ANTXR1: variants seen among roughly 807,000 people sequenced by gnomAD.
ANTXR1 encodes the protein anthrax toxin receptor 1.
ANTXR1 carries 19 observed loss-of-function variants against 78.1 expected under a neutral mutation model. The observed-to-expected ratio is 0.24, with a 90% confidence interval of 0.17 to 0.36. ANTXR1 has a LOEUF of 0.36. Ranked by LOEUF, ANTXR1 falls within the 10% of genes least tolerant of loss-of-function variation. The pLI is 1.00. For synonymous variants in ANTXR1, 273 were observed against 260.5 expected (o/e 1.05, Z -0.46); for missense variants, 518 against 718.6 (o/e 0.72, Z 3.19).
chr2:69,043,098 T>G (rs767477314), intron 2 of ANTXR1, among the ~76,000 whole-genome samples: 24 of 152,182 alleles, frequency 1.6e-4, no homozygotes, highest in African/African-American at 4.6e-4. Context: ...CATTTCAAAT[T>G]TATTATTTCC....
intron 17 of ANTXR1, among the ~76,000 whole-genome samples, chr2:69,208,655 G>A (rs73937205): frequency 0.029 from 4,450 of 152,270 alleles, 161 homozygotes; most frequent in East Asian, 0.096. Flanking sequence ...TGTTGGACAC[G>A]CTGGTCCAGA....
intron 13 of ANTXR1, among the ~76,000 whole-genome samples, chr2:69,156,390 C>T (rs1254088857): frequency 1.3e-5 from 2 of 152,190 alleles, no homozygotes; most frequent in African/African-American, 2.4e-5. Context: ...CCAGCATCTT[C>T]CTCCTTTCCT....
intron 17 of ANTXR1, among the ~76,000 whole-genome samples, chr2:69,197,808 G>T (rs1281311116): frequency 6.6e-6 from 1 of 152,198 alleles, no homozygotes; most frequent in Non-Finnish European, 1.5e-5. Context: ...AAGGGCAAAT[G>T]GTTGAAGGAA....
At chr2:69,017,848 G>A (rs2103982181) in intron 1 of ANTXR1, among the ~76,000 whole-genome samples, 1 of 152,272 alleles carries the variant, frequency 6.6e-6, no homozygotes, top group African/African-American at 2.4e-5. Flanking sequence ...CTTCCAAGAT[G>A]AATGCACCCA....
intron 11 of ANTXR1, among the ~76,000 whole-genome samples, chr2:69,124,315 A>G (rs191855656): frequency 2.6e-5 from 4 of 152,350 alleles, no homozygotes; most frequent in Non-Finnish European, 5.9e-5. Context: ...GGAACGTCTG[A>G]ATGCACTGCC....
chr2:69,079,709 C>T (rs565652019), intron 8 of ANTXR1, among the ~76,000 whole-genome samples: 49 of 152,202 alleles, frequency 3.2e-4, no homozygotes, highest in African/African-American at 1.1e-3. Flanking sequence ...TGCTTGCATA[C>T]GTGGGAGGGA....
intron 3 of ANTXR1, among the ~76,000 whole-genome samples, chr2:69,054,409 A>T (rs1460331697): frequency 6.6e-6 from 1 of 152,214 alleles, no homozygotes; most frequent in Non-Finnish European, 1.5e-5. Flanking sequence ...GAGGCAGCCT[A>T]TGCCCGCTAT....
chr2:69,052,025 T>C (rs760312044), intron 3 of ANTXR1, among the ~76,000 whole-genome samples: 14 of 152,134 alleles, frequency 9.2e-5, no homozygotes, highest in Non-Finnish European at 1.8e-4. Flanking sequence ...TGCATCCTAG[T>C]AACAGTTGCA....
In ANTXR1 at chr2:69,050,215, T is replaced by C. The variant is rs116651094; in HGVS notation, c.296+5402T>C. Among the ~76,000 whole-genome samples, 1,505 of 152,122 alleles carry C rather than the reference T, an allele frequency of 9.9e-3. 25 individuals carry two copies. The highest frequency in any genetic ancestry group is 0.032 in the African/African-American group (1,344 of 41,498). On this transcript the variant is annotated intron_variant, in intron 3 of 17. Transcript: ENST00000303714. ...CAGGAGAATGAGGTGACAGGATCGA[T>C]TGAGGCATGGGAGGTAAAGGCTGCA...
At chr2:69,170,700 G>C (rs1184418679) in intron 14 of ANTXR1, among the ~76,000 whole-genome samples, 1 of 152,096 alleles carries the variant, frequency 6.6e-6, no homozygotes. Context: ...CCAATCATTG[G>C]TTCTAGGAAT....
intron 1 of ANTXR1, among the ~76,000 whole-genome samples, chr2:69,016,523 A>G (rs1485419678): frequency 6.6e-6 from 1 of 152,232 alleles, no homozygotes; most frequent in African/African-American, 2.4e-5. Flanking sequence ...TGTGTATAGT[A>G]TTGAACCTGC....
rs142141873 is a variant in ANTXR1, at chr2:69,027,164, A to G, written c.153-12880A>G. Among the ~76,000 whole-genome samples, 1,015 of 152,326 alleles carry G rather than the reference A, an allele frequency of 6.7e-3. 11 individuals are homozygous for G. Among genetic ancestry groups the G allele is most frequent in the African/African-American group, 0.023 (972 of 41,568 alleles). On this transcript the variant is annotated intron_variant, in intron 1 of 17. Coordinates refer to ENST00000303714, the MANE Select transcript of ANTXR1 (RefSeq NM_032208.3). ...CCTGTTGCTGTTGGGCATCAGCATC[A>G]TGCAGTGGCAGCTGCTCTGTGGGGG...
chr2:69,165,209 C>A (rs34149604), intron 13 of ANTXR1, among the ~76,000 whole-genome samples: 1 of 152,012 alleles, frequency 6.6e-6, no homozygotes, highest in Non-Finnish European at 1.5e-5. Context: ...TGCTTCATTT[C>A]GTTAATAAAG....
At chr2:69,200,463 C>T (rs1224582931) in intron 17 of ANTXR1, among the ~76,000 whole-genome samples, 1 of 152,230 alleles carries the variant, frequency 6.6e-6, no homozygotes, top group Non-Finnish European at 1.5e-5. Flanking sequence ...ATCCTCTGCC[C>T]AGTCCTTCTA....
chr2:69,219,011 G>A (rs138293797), intron 17 of ANTXR1, among the ~76,000 whole-genome samples: 459 of 152,254 alleles, frequency 3.0e-3, no homozygotes, highest in Non-Finnish European at 5.5e-3. Flanking sequence ...TTCTGTCAAT[G>A]GCTATGATGT....
intron 17 of ANTXR1, among the ~76,000 whole-genome samples, chr2:69,207,872 A>G (rs1054949634): frequency 2.6e-5 from 4 of 152,222 alleles, no homozygotes; most frequent in African/African-American, 7.2e-5. Flanking sequence ...TAGTGGAGAC[A>G]TAGTCAGGTG....
At chr2:69,035,819 T>C (rs560260447) in intron 1 of ANTXR1, among the ~76,000 whole-genome samples, 2 of 152,324 alleles carry the variant, frequency 1.3e-5, no homozygotes, top group African/African-American at 4.8e-5. Flanking sequence ...AAATTCAGCT[T>C]TTGCCCATTA....
At chr2:69,117,674 G>A (rs969668968) in intron 10 of ANTXR1, among the ~76,000 whole-genome samples, 1 of 152,178 alleles carries the variant, frequency 6.6e-6, no homozygotes. Flanking sequence ...TTTTAAAGGT[G>A]TGGAGGCCCA....
intron 12 of ANTXR1, among the ~76,000 whole-genome samples, chr2:69,150,048 G>A (rs1440667158): frequency 6.6e-6 from 1 of 152,192 alleles, no homozygotes; most frequent in East Asian, 1.9e-4. Context: ...TCCCCTGGGG[G>A]CAGTCTGGCA....
Sources: allele counts gnomAD v4.1 joint callset (sites outside exome capture counted in the v4.1 genomes callset), GRCh38; gene constraint gnomAD v4.1.1; transcripts MANE v1.5; gene names NCBI Gene and HGNC (gene_info 2026-07-23, HGNC 2026-07-21).